Variants in TUBAL3 observed in about 807,000 individuals in gnomAD.
The protein encoded by TUBAL3 is tubulin alpha chain-like 3.
Under a neutral mutation model 15.5 loss-of-function variants are expected in TUBAL3, and 16 were observed. The ratio of observed to expected loss-of-function variants is 1.04; its 90% CI spans 0.70 to 1.57. The LOEUF (loss-of-function observed/expected upper bound fraction) is 1.57. TUBAL3 is among the 40% of genes most tolerant of loss of function. The probability of loss-of-function intolerance (pLI) is 0.00; values close to 1 mark genes in which losing one functional copy is unlikely to be tolerated. For synonymous variants in TUBAL3, 238 were observed against 224.3 expected (o/e 1.06, Z -0.55); for missense variants, 609 against 576.2 (o/e 1.06, Z -0.58).
intron 1 of TUBAL3, among the ~76,000 whole-genome samples, chr10:5,403,911 G>C (rs142997565): frequency 2.0e-5 from 3 of 152,306 alleles, no homozygotes; most frequent in Non-Finnish European, 4.4e-5. Flanking sequence ...TTTCAATTTT[G>C]AGGTCTTTGT....
intron 2 of TUBAL3, among the ~76,000 whole-genome samples, chr10:5,400,370 G>A (rs917740450): frequency 2.0e-5 from 3 of 152,146 alleles, no homozygotes; most frequent in East Asian, 1.9e-4. Flanking sequence ...GGTGGCTCAC[G>A]CCTGTAATCC....
At chr10:5,400,570 G>A (rs1405915941) in intron 2 of TUBAL3, among the ~76,000 whole-genome samples, 2 of 152,202 alleles carry the variant, frequency 1.3e-5, no homozygotes, top group East Asian at 3.8e-4. Context: ...GACGGAGGTT[G>A]CAGTGAGCCC....
rs951086997 is a variant in TUBAL3, at chr10:5,404,824, G to A, written c.-32C>T. 2 of 1,612,288 alleles carry A rather than the reference G, an allele frequency of 1.2e-6. No individual in the cohort carries two copies. The highest frequency in any genetic ancestry group is 2.2e-5 in the East Asian group (1 of 44,858). ...GAGAACGTGCCCTTCCTGCCCTGTA[G>A]TAATGACTGAGGAGCCTCCCAGCTG... On this transcript the variant is annotated 5_prime_UTR_variant, in exon 1 of 4. Transcript: ENST00000380419.
intron 1 of TUBAL3, among the ~76,000 whole-genome samples, chr10:5,403,008 G>A (rs545533669): frequency 6.6e-6 from 1 of 152,332 alleles, no homozygotes; most frequent in Non-Finnish European, 1.5e-5. Context: ...CTCTGTTCAT[G>A]CTCAATGGCA....
At chr10:5,403,285 T>TA (rs1588415937) in intron 1 of TUBAL3, among the ~76,000 whole-genome samples, 1 of 152,200 alleles carries the variant, frequency 6.6e-6, no homozygotes, top group Admixed American at 6.5e-5. Flanking sequence ...CTGTCGGACT[T>TA]AAAGTGCTGC....
At position 5,394,218 on chromosome 10, in the gene TUBAL3, C is replaced by A; in HGVS notation, c.640G>T (p.Glu214Ter). Reference sequence around the variant, plus strand: ...CGATGGCATATATCATAGACGGCCTCGTTGTCCACCATGAAGGTACAGTCC... The same window carrying A: ...CGATGGCATATATCATAGACGGCCTAGTTGTCCACCATGAAGGTACAGTCC... ...HTDCTFMVDNEAVYDICHRKL... is the reference protein window; with the variant it reads ...HTDCTFMVDN The change falls in exon 4 of 4, where the codon GAG (glutamate) becomes TAG (stop). Residue 214 changes from glutamate to a stop codon, truncating the protein, a stop_gained. Coordinates refer to ENST00000380419, the MANE Select transcript of TUBAL3 (RefSeq NM_024803.3). LOFTEE classifies it low-confidence loss of function (END_TRUNC). The surrounding 1 kb of genome is among the most constrained non-coding windows in gnomAD (Gnocchi z 4.3). The A allele has an allele frequency of 6.2e-7, 1 of 1,614,114 alleles. No homozygotes were observed. The highest frequency in any genetic ancestry group is 2.2e-5 in the East Asian group (1 of 44,874).
Position 5,393,977 on chromosome 10 carries a change from GA to G in TUBAL3, c.880del (p.Ser294LeufsTer42). ...GCAGGCAGTGGTGATGTCTGACACAGAGAACTGCTCATGGTAGGCTTTGTCA... is the reference window on the plus strand; with the variant it reads ...GCAGGCAGTGGTGATGTCTGACACAGGAACTGCTCATGGTAGGCTTTGTCA... ...SADKAYHEQF[S>X]VSDITTACFE... is the part of the protein sequence containing the mutation. On this transcript the variant is annotated frameshift_variant, in exon 4 of 4. Transcript: ENST00000380419. LOFTEE classifies it low-confidence loss of function (END_TRUNC). 1 of 1,614,198 alleles carries G rather than the reference GA, an allele frequency of 6.2e-7. No homozygotes were observed. The highest frequency in any genetic ancestry group is 8.5e-7 in the Non-Finnish European group (1 of 1,180,034).
chr10:5,403,695 C>T (rs1278890852), intron 1 of TUBAL3, among the ~76,000 whole-genome samples: 4 of 152,022 alleles, frequency 2.6e-5, no homozygotes, highest in African/African-American at 9.7e-5. Context: ...TAACTCTGTC[C>T]AAGGGTGTAG....
At chr10:5,401,749 T>TAA (rs1226956066) in intron 1 of TUBAL3, among the ~76,000 whole-genome samples, 1 of 150,022 alleles carries the variant, frequency 6.7e-6, no homozygotes, top group African/African-American at 2.5e-5. Context: ...ATCAACTTTC[T>TAA]AAAAAAAAAC....
At position 5,393,264 on chromosome 10, in the gene TUBAL3, G is replaced by A. The variant is rs1406376772; in HGVS notation, c.*253C>T. On this transcript the variant is annotated 3_prime_UTR_variant, in exon 4 of 4. Transcript: ENST00000380419. ...TAAAACAAAAAAATCCCACCTAGAA[G>A]TGACTCAGCAGTTCAAAGGACTCTA... 2 of 396,260 alleles carry A rather than the reference G, an allele frequency of 5.0e-6. No individual in the cohort carries two copies. Among genetic ancestry groups the A allele is most frequent in the Non-Finnish European group, 8.9e-6 (2 of 224,090 alleles). The allele number at this position is 396,260 out of a possible 1,614,324, so 24.5% of individuals were successfully genotyped here.
At position 5,395,319 on chromosome 10, in the gene TUBAL3, C is replaced by A; in HGVS notation, c.396+8G>T. 2 of 1,530,176 alleles carry A rather than the reference C, an allele frequency of 1.3e-6. No homozygotes were observed. The highest frequency in any genetic ancestry group is 8.9e-7 in the Non-Finnish European group (1 of 1,129,802). The allele number at this position is 1,530,176 out of a possible 1,614,324, so 94.8% of individuals were successfully genotyped here. A position where few individuals can be genotyped will look rare whatever the true frequency, so the allele number is the denominator to read the frequency against. ...CAGCCCACTCGGAGGAGAGGGGGAG[C>A]CACTTGCCAGCTTCCGGGTCCTCTC... On this transcript the variant is annotated splice_region_variant and intron_variant, in intron 3 of 3. Coordinates refer to ENST00000380419, the MANE Select transcript of TUBAL3 (RefSeq NM_024803.3). This position sits in a 1 kb window ranked among gnomAD's most constrained non-coding sequence, Gnocchi z 4.6.
At chr10:5,404,297 G>T (rs1190860848) in intron 1 of TUBAL3, among the ~76,000 whole-genome samples, 1 of 152,170 alleles carries the variant, frequency 6.6e-6, no homozygotes. Context: ...ATTATTGTAA[G>T]TTATTCTATT....
chr10:5,401,131 A>G, intron 1 of TUBAL3, 44 bp from the exon 2 acceptor site: 1 of 1,605,706 alleles, frequency 6.2e-7, no homozygotes, highest in Non-Finnish European at 8.5e-7. Context: ...GGTGTTTAGA[A>G]AACAGGAGAT....
intron 1 of TUBAL3, 47 bp from the exon 2 acceptor site, chr10:5,401,134 C>G: frequency 6.2e-7 from 1 of 1,603,722 alleles, no homozygotes; most frequent in East Asian, 2.2e-5. Flanking sequence ...GTTTAGAAAA[C>G]AGGAGATCTG....
rs782657104 is a variant in TUBAL3 at position 5,395,312 on chromosome 10, G to A, written c.396+15C>T. 2.0e-6 allele frequency: 3 copies of A among 1,521,080 alleles called. No homozygotes were observed. Among genetic ancestry groups the A allele is most frequent in the Middle Eastern group, 1.7e-4 (1 of 5,744 alleles). The allele number at this position is 1,521,080 out of a possible 1,614,324, so 94.2% of individuals were successfully genotyped here. ...CCAGGCACAGCCCACTCGGAGGAGA[G>A]GGGGAGCCACTTGCCAGCTTCCGGG... On this transcript the variant is annotated intron_variant, in intron 3 of 3. Coordinates refer to ENST00000380419, the MANE Select transcript of TUBAL3 (RefSeq NM_024803.3). The surrounding 1 kb of genome is among the most constrained non-coding windows in gnomAD (Gnocchi z 4.6).
In TUBAL3 at chr10:5,393,709, G is replaced by A; in HGVS notation, c.1149C>T (p.Cys383=). 1 of 1,614,216 alleles carries A rather than the reference G, an allele frequency of 6.2e-7. No individual in the cohort carries two copies. Among genetic ancestry groups the A allele is most frequent in the Non-Finnish European group, 8.5e-7 (1 of 1,180,042 alleles). ...GDLAKVHRSI[C]MLSNTTAIVE... is the part of the protein sequence containing the mutation. ...CAATCGCCGTGGTGTTGCTCAGCAT[G>A]CAGATGGACCGGTGGACTTTGGCCA... The change falls in exon 4 of 4, where the codon TGC becomes TGT. Residue 383 remains cysteine, a synonymous_variant. Transcript: ENST00000380419.
In TUBAL3 at chr10:5,395,471, C is replaced by G; in HGVS notation, c.252G>C (p.Gly84=). The change falls in exon 3 of 4, where the codon GGG becomes GGC. Residue 84 remains glycine, a synonymous_variant. Transcript: ENST00000380419. The surrounding 1 kb of genome is among the most constrained non-coding windows in gnomAD (Gnocchi z 4.6). ...GTGAACGGTGCTGGCCCGTCCGGAT[C>G]CCATCTGCAGAGGGTGAAAGGAGGT... The part of the protein sequence containing the change: ...FVDLEPTVID[G]IRTGQHRSLF... 3.3e-6 allele frequency: 5 copies of G among 1,532,102 alleles called. No individual in the cohort carries two copies. The highest frequency in any genetic ancestry group is 4.4e-6 in the Non-Finnish European group (5 of 1,129,798). The allele number at this position is 1,532,102 out of a possible 1,614,324, so 94.9% of individuals were successfully genotyped here.
At position 5,393,668 on chromosome 10, in the gene TUBAL3, C is replaced by A. The variant is rs782621046; in HGVS notation, c.1190G>T (p.Arg397Leu). 3.5e-5 allele frequency: 56 copies of A among 1,614,034 alleles called. No individual in the cohort carries two copies. The highest frequency in any genetic ancestry group is 4.7e-5 in the Non-Finnish European group (56 of 1,180,032). The change falls in exon 4 of 4, where the codon CGC (arginine) becomes CTC (leucine). Residue 397 changes from arginine to leucine, a missense_variant. Physicochemically the swap from Arg to Leu is moderately radical, Grantham distance 102 (BLOSUM62 -2). Transcript: ENST00000380419. ...CATGAGGTCAAACTTGTGGTCCAGG[C>A]GGGCCCAGGCCTCCACAATCGCCGT... Reference protein sequence around the residue: ...NTTAIVEAWARLDHKFDLMYA... With the variant: ...NTTAIVEAWALLDHKFDLMYA...
In TUBAL3 at chr10:5,393,190, C is replaced by A; in HGVS notation, c.*327G>T. 8.4e-6 allele frequency: 2 copies of A among 237,268 alleles called. No homozygotes were observed. Among genetic ancestry groups the A allele is most frequent in the Admixed American group, 1.1e-4 (2 of 18,974 alleles). 14.7% of individuals were successfully genotyped at this position (237,268 alleles called of 1,614,324 possible). A position where few individuals can be genotyped will look rare whatever the true frequency, so the allele number is the denominator to read the frequency against. The stretch of plus-strand genomic sequence containing the variant: ...ATCAACATGTGCTGTTTTCTACTTC[C>A]GGTACCAGAAAGGAAAAGCATAAAC... On this transcript the variant is annotated 3_prime_UTR_variant, in exon 4 of 4. Transcript: ENST00000380419.
Sources: allele counts gnomAD v4.1 joint callset (sites outside exome capture counted in the v4.1 genomes callset), GRCh38; gene constraint gnomAD v4.1.1; non-coding constraint Gnocchi (gnomAD v3.1); transcripts MANE v1.5; gene names NCBI Gene and HGNC (gene_info 2026-07-23, HGNC 2026-07-21).